Variants in PRLR observed in about 807,000 individuals in gnomAD.
The protein encoded by PRLR is prolactin receptor.
PRLR carries 13 observed loss-of-function variants against 40.2 expected under a neutral mutation model. That is an observed-to-expected ratio of 0.32 (90% CI 0.21 to 0.51). The LOEUF (loss-of-function observed/expected upper bound fraction) is 0.51. Ranked by LOEUF, PRLR falls within the 20% of genes least tolerant of loss-of-function variation. PRLR has a pLI of 0.97. For synonymous variants in PRLR, 269 were observed against 278.7 expected (o/e 0.97, Z 0.35); for missense variants, 656 against 747.3 (o/e 0.88, Z 1.42).
intron 5 of PRLR, chr5:35,081,672 T>G (rs1312459435): frequency 6.5e-6 from 1 of 152,806 alleles, no homozygotes; most frequent in Non-Finnish European, 1.5e-5. Context: ...GTGATCCCCT[T>G]TTTTGTGGAT....
At position 35,230,444 on chromosome 5, in the gene PRLR, C is replaced by T. The variant is rs1776690172; in HGVS notation, c.-282G>A. 1 of 152,286 alleles carries T rather than the reference C, an allele frequency of 6.6e-6. No individual in the cohort carries two copies. The highest frequency in any genetic ancestry group is 1.5e-5 in the Non-Finnish European group (1 of 68,078). The allele number at this position is 152,286 out of a possible 1,614,324, so 9.4% of individuals were successfully genotyped here. ...AAAACCGGCGTCTGGGGATTTCAGC[C>T]TCCGCTCCCCGGTCCCCAGCCCGGT... On this transcript the variant is annotated 5_prime_UTR_variant, in exon 1 of 10. Coordinates refer to ENST00000618457, the MANE Select transcript of PRLR (RefSeq NM_000949.7).
intron 6 of PRLR, among the ~76,000 whole-genome samples, chr5:35,071,124 A>G (rs1374257272): frequency 6.6e-6 from 1 of 152,192 alleles, no homozygotes; most frequent in Non-Finnish European, 1.5e-5. Context: ...AGAGTACATA[A>G]TATCACCTCT....
In PRLR at chr5:35,131,462, G is replaced by C. The variant is rs546588251; in HGVS notation, c.-105-13340C>G. On this transcript the variant is annotated intron_variant, in intron 1 of 9. Transcript: ENST00000618457. The stretch of plus-strand genomic sequence containing the variant: ...AGAACTGCTGGTCCAGTGGCAGTGG[G>C]CTGGTAAGAAGAACCACAATCGCTG... 5.9e-5 allele frequency among the ~76,000 whole-genome samples: 9 copies of C among 152,246 alleles called. No individual in the cohort carries two copies. In the South Asian group the frequency reaches 1.9e-3, roughly 32 times the overall value.
rs188319830 is a variant in PRLR at position 35,158,228 on chromosome 5, C to T, written c.-105-40106G>A. On this transcript the variant is annotated intron_variant, in intron 1 of 9. Transcript: ENST00000618457. ...ACAGTCTACTGAAATTGCTCGTATGCCTGCTGTTTATATGTTGTCTTCCTG... is the reference window on the plus strand; with the variant it reads ...ACAGTCTACTGAAATTGCTCGTATGTCTGCTGTTTATATGTTGTCTTCCTG... 2.0e-5 allele frequency among the ~76,000 whole-genome samples: 3 copies of T among 152,280 alleles called. No homozygotes were observed. The South Asian group carries it at 6.2e-4, about 32-fold the overall frequency.
At position 35,056,283 on chromosome 5, in the gene PRLR, T is replaced by C. The variant is rs963570981; in HGVS notation, c.*8806A>G. 2.6e-5 allele frequency: 4 copies of C among 152,092 alleles called. No individual in the cohort carries two copies. Among genetic ancestry groups the C allele is most frequent in the Non-Finnish European group, 5.9e-5 (4 of 68,030 alleles). 9.4% of individuals were successfully genotyped at this position (152,092 alleles called of 1,614,324 possible). ...TTCCAAGGTAGAATACATCTGACAA[T>C]ATCAAAAACAGACTCAGTTTCATCT... On this transcript the variant is annotated 3_prime_UTR_variant, in exon 10 of 10. Transcript: ENST00000618457.
At chr5:35,050,195 G>A (rs921817766) in intron 8 of PRLR, among the ~76,000 whole-genome samples, 5 of 152,114 alleles carry the variant, frequency 3.3e-5, no homozygotes, top group African/African-American at 4.8e-5. Flanking sequence ...CACTGCGCCC[G>A]GCCGGACAAA....
chr5:35,069,273 C>T (rs1039726350), intron 7 of PRLR, among the ~76,000 whole-genome samples: 1 of 152,112 alleles, frequency 6.6e-6, no homozygotes, highest in Non-Finnish European at 1.5e-5. Context: ...AACTGGGAAT[C>T]AAAGAAAGAT....
Position 35,127,115 on chromosome 5 carries a change from C to A in PRLR, c.-105-8993G>T, listed in dbSNP as rs1773497520. On this transcript the variant is annotated intron_variant, in intron 1 of 9. Coordinates refer to ENST00000618457, the MANE Select transcript of PRLR (RefSeq NM_000949.7). ...GTCCCTCCTCTTTTTCATGCCTTCTCATTCATACTTAAGCCAGAAGCTGTG... is the reference window on the plus strand; with the variant it reads ...GTCCCTCCTCTTTTTCATGCCTTCTAATTCATACTTAAGCCAGAAGCTGTG... Among the ~76,000 whole-genome samples, 2 of 152,196 alleles carry A rather than the reference C, an allele frequency of 1.3e-5. 1 individual carries two copies. Among genetic ancestry groups the A allele is most frequent in the African/African-American group, 4.8e-5 (2 of 41,446 alleles).
At chr5:35,186,264 TAA>T (rs201361264) in intron 1 of PRLR, among the ~76,000 whole-genome samples, 25 of 148,656 alleles carry the variant, frequency 1.7e-4, no homozygotes, top group Admixed American at 5.3e-4. Flanking sequence ...CTGGTTTCTT[TAA>T]AAAAATTTTT....
At chr5:35,189,850 T>C (rs947090151) in intron 1 of PRLR, among the ~76,000 whole-genome samples, 1 of 152,066 alleles carries the variant, frequency 6.6e-6, no homozygotes, top group African/African-American at 2.4e-5. Flanking sequence ...CTTCAAATAA[T>C]AGTGAAAATC....
At chr5:35,159,208 C>G (rs1479773877) in intron 1 of PRLR, among the ~76,000 whole-genome samples, 1 of 151,994 alleles carries the variant, frequency 6.6e-6, no homozygotes, top group Non-Finnish European at 1.5e-5. Context: ...TGCACTGGCT[C>G]CAGCCAAAAG....
chr5:35,048,859 C>G (rs1177165630), exon 9 of PRLR: 2 of 314,530 alleles, frequency 6.4e-6, no homozygotes, highest in Non-Finnish European at 1.3e-5. Flanking sequence ...CATGGCAGTG[C>G]CTAAGGGGGA....
chr5:35,069,027 A>T, intron 7 of PRLR, 149 bp from the exon 8 acceptor site: 1 of 572,658 alleles, frequency 1.7e-6, no homozygotes, highest in Non-Finnish European at 3.1e-6. Context: ...ATCATCAATG[A>T]CAGGGCTATT....
rs1178574949 is a variant in PRLR at position 35,056,737 on chromosome 5, T to C, written c.*8352A>G. 6.6e-6 allele frequency: 1 copy of C among 152,118 alleles called. No individual in the cohort carries two copies. Among genetic ancestry groups the C allele is most frequent in the African/African-American group, 2.4e-5 (1 of 41,422 alleles). The allele number at this position is 152,118 out of a possible 1,614,324, so 9.4% of individuals were successfully genotyped here. A position where few individuals can be genotyped will look rare whatever the true frequency, so the allele number is the denominator to read the frequency against. On this transcript the variant is annotated 3_prime_UTR_variant, in exon 10 of 10. Transcript: ENST00000618457. ...CTTCAAATTTTGCACCTTAAAAATA[T>C]AAGAGGGCCCAAGAATTAAAGGCAG...
At chr5:35,068,712 AT>A (rs369664121) in intron 8 of PRLR, 66 bp downstream of exon 8, 62,674 of 871,506 alleles carry the variant, frequency 0.072, 51 homozygotes, top group South Asian at 0.091. Flanking sequence ...TCATCTTTGT[AT>A]TTTTTTTTTT....
chr5:35,133,186 G>C (rs1332556864), intron 1 of PRLR, among the ~76,000 whole-genome samples: 8 of 152,150 alleles, frequency 5.3e-5, no homozygotes, highest in Admixed American at 4.6e-4. Flanking sequence ...CAGATCTCCT[G>C]GTTCTCAGGC....
At chr5:35,162,830 A>T (rs1356545877) in intron 1 of PRLR, among the ~76,000 whole-genome samples, 1 of 152,174 alleles carries the variant, frequency 6.6e-6, no homozygotes, top group African/African-American at 2.4e-5. Context: ...GACCCCTTGT[A>T]AGTAAAATGA....
intron 6 of PRLR, among the ~76,000 whole-genome samples, chr5:35,072,294 T>G (rs1342451087): frequency 6.6e-6 from 1 of 152,134 alleles, no homozygotes; most frequent in Admixed American, 6.5e-5. Context: ...ATTTAAGTAC[T>G]CTTACAAGGG....
intron 4 of PRLR, among the ~76,000 whole-genome samples, chr5:35,085,626 G>A (rs1770800989): frequency 6.6e-6 from 1 of 152,172 alleles, no homozygotes; most frequent in African/African-American, 2.4e-5. Flanking sequence ...CATGAAACAA[G>A]TTTGAAAACC....
Sources: gnomAD v4.1 joint callset for allele counts (sites outside exome capture counted in the v4.1 genomes callset) on GRCh38, gnomAD v4.1.1 for gene constraint, MANE v1.5 for transcripts, NCBI Gene and HGNC (gene_info 2026-07-23, HGNC 2026-07-21) for gene names.